UBR2: variants seen among roughly 807,000 people sequenced by gnomAD.
UBR2 encodes ubiquitin protein ligase E3 component n-recognin 2.
Under a neutral mutation model 247.9 loss-of-function variants are expected in UBR2, and 92 were observed. The observed-to-expected ratio is 0.37, with a 90% CI of 0.31 to 0.44. The LOEUF (loss-of-function observed/expected upper bound fraction) is 0.44, where lower values mean the gene tolerates loss of function less well. Ranked by LOEUF, UBR2 falls within the 20% of genes least tolerant of loss-of-function variation. The pLI, the probability that UBR2 is intolerant of heterozygous loss-of-function variation, is 1.00. For synonymous variants in UBR2, 672 were observed against 693.5 expected (o/e 0.97, Z 0.49); for missense variants, 1,613 against 2,112.6 (o/e 0.76, Z 4.64).
intron 25 of UBR2, among the ~76,000 whole-genome samples, chr6:42,654,921 A>AGG (rs1161754679): frequency 6.6e-6 from 1 of 152,228 alleles, no homozygotes; most frequent in East Asian, 1.9e-4. Flanking sequence ...AGGTAGTGTC[A>AGG]TAGACTGGAT....
At chr6:42,683,793 C>G (rs966980488) in intron 43 of UBR2, among the ~76,000 whole-genome samples, 3 of 152,184 alleles carry the variant, frequency 2.0e-5, no homozygotes, top group Non-Finnish European at 4.4e-5. Flanking sequence ...TTGTTGTTAT[C>G]TGGTAGAGTA....
At chr6:42,651,976 G>A (rs1293965025) in intron 23 of UBR2, 47 bp from the exon 24 acceptor site, 2 of 1,528,990 alleles carry the variant, frequency 1.3e-6, no homozygotes, top group East Asian at 2.4e-5. Flanking sequence ...CAGGTGTGGT[G>A]GTGGGCATTA....
chr6:42,628,459 T>C (rs932273205), intron 11 of UBR2, among the ~76,000 whole-genome samples: 2 of 152,068 alleles, frequency 1.3e-5, no homozygotes, highest in African/African-American at 4.8e-5. Context: ...CAGTGGCTCA[T>C]GCCTGTAATC....
chr6:42,591,650 A>T (rs1324627235), intron 2 of UBR2, among the ~76,000 whole-genome samples: 5 of 152,198 alleles, frequency 3.3e-5, no homozygotes, highest in African/African-American at 1.2e-4. Flanking sequence ...TTTAGTTAAA[A>T]TTTAAGTAGA....
chr6:42,655,749 T>C, intron 26 of UBR2, 26 bp downstream of exon 26: 1 of 1,290,778 alleles, frequency 7.7e-7, no homozygotes, highest in Non-Finnish European at 1.1e-6. Flanking sequence ...TTTACTAAAC[T>C]AACTCAAGAT....
chr6:42,682,955 A>G, intron 42 of UBR2, 100 bp from the exon 43 acceptor site: 2 of 971,664 alleles, frequency 2.1e-6, no homozygotes, highest in African/African-American at 1.7e-5. Flanking sequence ...ATGTTAGGTC[A>G]AGAATATTAT....
At chr6:42,650,780 A>G (rs914431199) in intron 23 of UBR2, among the ~76,000 whole-genome samples, 1 of 152,234 alleles carries the variant, frequency 6.6e-6, no homozygotes. Context: ...TACGATCTAT[A>G]TAATACATAC....
In UBR2 at chr6:42,564,325, G is replaced by T; in HGVS notation, c.6G>T (p.Ala2=). The T allele has an allele frequency of 6.2e-7, 1 of 1,610,582 alleles. No homozygotes were observed. The highest frequency in any genetic ancestry group is 8.5e-7 in the Non-Finnish European group (1 of 1,178,742). ...GGGGAGGAGGAGGAGAGAAGATGGC[G>T]TCGGAGCTAGAGCCAGAGGTGCAGG... M[A]SELEPEVQAI... The change falls in exon 1 of 47, where the codon GCG becomes GCT. Residue 2 remains alanine (A), a synonymous_variant. Transcript: ENST00000372901.
chr6:42,637,106 C>T lies in UBR2; in HGVS notation c.1770C>T (p.Ser590=). Residue 590 remains serine (S), a synonymous_variant, in exon 15 of 47, where the codon AGC becomes AGT. Transcript: ENST00000372901. ...ATGGTGAACAGCCAATCACACTAAGCATTTGTGGACATTCAGTGGAAACTA... is the reference window on the plus strand; with the variant it reads ...ATGGTGAACAGCCAATCACACTAAGTATTTGTGGACATTCAGTGGAAACTA... ...YTDGEQPITL[S]ICGHSVETIR... 1 of 1,614,106 alleles carries T rather than the reference C, an allele frequency of 6.2e-7. No homozygotes were observed. The highest frequency in any genetic ancestry group is 8.5e-7 in the Non-Finnish European group (1 of 1,180,016).
intron 7 of UBR2, among the ~76,000 whole-genome samples, chr6:42,608,239 C>A (rs886764522): frequency 6.6e-6 from 1 of 152,132 alleles, no homozygotes; most frequent in East Asian, 1.9e-4. Context: ...AACTGTGGTA[C>A]TAATATACTT....
chr6:42,591,490 C>A (rs1212837569), intron 2 of UBR2, among the ~76,000 whole-genome samples: 1 of 152,122 alleles, frequency 6.6e-6, no homozygotes, highest in Non-Finnish European at 1.5e-5. Flanking sequence ...GCAAATGAAA[C>A]AACTCAGGGC....
In UBR2 at chr6:42,684,801, A is replaced by G; in HGVS notation, c.4783A>G (p.Arg1595Gly). 1 of 1,607,354 alleles carries G rather than the reference A, an allele frequency of 6.2e-7. No individual in the cohort carries two copies. Among genetic ancestry groups the G allele is most frequent in the East Asian group, 2.2e-5 (1 of 44,756 alleles). The change falls in exon 44 of 47, where the codon AGA becomes GGA. Residue 1595 changes from arginine to glycine, a missense_variant. Physicochemically the swap from Arg to Gly is moderately radical, Grantham distance 125 (BLOSUM62 -2). Coordinates refer to ENST00000372901, the MANE Select transcript of UBR2 (RefSeq NM_001363705.2). The stretch of plus-strand genomic sequence containing the variant: ...TTTTTCTCTTTTTTTCAGATATCCA[A>G]GAGAATCTAACAAATTAATAAACCT... ...EGERDAIRYP[R>G]ESNKLINLPE...
chr6:42,632,069 A>AAATAT (rs56721828), intron 11 of UBR2, among the ~76,000 whole-genome samples: 115 of 114,074 alleles, frequency 1.0e-3, no homozygotes, highest in African/African-American at 2.8e-3. Context: ...AAAAAAAAAA[A>AAATAT]ATATATATAT....
At chr6:42,658,937 T>C in intron 29 of UBR2, 113 bp downstream of exon 29, 5 of 1,201,178 alleles carry the variant, frequency 4.2e-6, no homozygotes, top group Non-Finnish European at 5.5e-6. Context: ...TTTAGTAGAA[T>C]TCATAGGTAA....
At chr6:42,603,427 T>G (rs1206581967) in intron 4 of UBR2, among the ~76,000 whole-genome samples, 161 bp from the exon 5 acceptor site, 1 of 152,200 alleles carries the variant, frequency 6.6e-6, no homozygotes, top group African/African-American at 2.4e-5. Context: ...CTTTATTTGG[T>G]AGGGTGGTAA....
rs767678944 is a variant in UBR2 at position 42,688,199 on chromosome 6, T to G, written c.4854-17T>G. 2 of 1,613,804 alleles carry G rather than the reference T, an allele frequency of 1.2e-6. No homozygotes were observed. The highest frequency in any genetic ancestry group is 1.6e-4 in the Middle Eastern group (1 of 6,082). Reference sequence around the variant, plus strand: ...ACTCTTTAGATCAATGACTTGTGGGTTTTTTATCCCTTGGAGGTGCCCGAA... The same window carrying G: ...ACTCTTTAGATCAATGACTTGTGGGGTTTTTATCCCTTGGAGGTGCCCGAA... On this transcript the variant is annotated splice_polypyrimidine_tract_variant and intron_variant, in intron 44 of 46. Coordinates refer to ENST00000372901, the MANE Select transcript of UBR2 (RefSeq NM_001363705.2).
intron 2 of UBR2, among the ~76,000 whole-genome samples, chr6:42,578,535 G>C (rs1791666417): frequency 6.6e-6 from 1 of 151,998 alleles, no homozygotes; most frequent in Admixed American, 6.6e-5. Flanking sequence ...TTTCCTCCCT[G>C]AGTCATTAGG....
At chr6:42,583,755 C>T (rs1263748623) in intron 2 of UBR2, among the ~76,000 whole-genome samples, 1 of 151,956 alleles carries the variant, frequency 6.6e-6, no homozygotes, top group Non-Finnish European at 1.5e-5. Flanking sequence ...AACTCCTGAC[C>T]TCAAATGATC....
At chr6:42,627,480 C>T (rs1244161119) in intron 11 of UBR2, among the ~76,000 whole-genome samples, 4 of 151,820 alleles carry the variant, frequency 2.6e-5, no homozygotes, top group Non-Finnish European at 5.9e-5. Context: ...AGTCTATTAC[C>T]GTCTTTGTTT....
Sources: allele counts gnomAD v4.1 joint callset (sites outside exome capture counted in the v4.1 genomes callset), GRCh38; gene constraint gnomAD v4.1.1; transcripts MANE v1.5; gene names NCBI Gene and HGNC (gene_info 2026-07-23, HGNC 2026-07-21).